IL15: variants seen among roughly 807,000 people sequenced by gnomAD.
IL15 encodes interleukin 15, also known as interleukin-15.
A neutral mutation model predicts 19.6 loss-of-function variants in IL15; 11 were observed. The observed-to-expected ratio is 0.56, with a 90% CI of 0.35 to 0.93. IL15 has a LOEUF of 0.93. IL15 is among the 40% of genes least tolerant of loss of function. The probability of loss-of-function intolerance (pLI) is 0.01; values close to 1 mark genes in which losing one functional copy is unlikely to be tolerated. For missense variants in IL15, 197 were observed against 186.5 expected (o/e 1.06, Z -0.33); for synonymous variants, 58 against 59.6 (o/e 0.97, Z 0.12).
At chr4:141,730,006 T>A in intron 7 of IL15, 22 bp downstream of exon 7, 1 of 1,590,288 alleles carries the variant, frequency 6.3e-7, no homozygotes, top group South Asian at 1.1e-5. Flanking sequence ...AACAGTTGCT[T>A]AGAGTTGCAT....
intron 1 of IL15, among the ~76,000 whole-genome samples, chr4:141,654,302 A>G (rs1236070842): frequency 6.6e-6 from 1 of 152,214 alleles, no homozygotes; most frequent in African/African-American, 2.4e-5. Flanking sequence ...GAAGCAGGCC[A>G]GATTCCTGGA....
chr4:141,666,724 C>A (rs907706265), intron 2 of IL15, among the ~76,000 whole-genome samples: 2 of 152,018 alleles, frequency 1.3e-5, no homozygotes, highest in Non-Finnish European at 2.9e-5. Context: ...AATATACTCT[C>A]ATCTTCCCCC....
At chr4:141,650,404 G>A (rs145380491) in intron 1 of IL15, among the ~76,000 whole-genome samples, 4 of 152,014 alleles carry the variant, frequency 2.6e-5, no homozygotes, top group Non-Finnish European at 5.9e-5. Context: ...TACATATGGA[G>A]GTGCAAGCCC....
intron 2 of IL15, among the ~76,000 whole-genome samples, chr4:141,706,656 T>C (rs971446996): frequency 4.1e-4 from 63 of 152,142 alleles, no homozygotes; most frequent in African/African-American, 1.4e-3. Flanking sequence ...TGTCTTCATT[T>C]CTCCTTCATT....
chr4:141,708,138 G>C (rs1729587994), intron 2 of IL15, among the ~76,000 whole-genome samples: 1 of 152,212 alleles, frequency 6.6e-6, no homozygotes. Context: ...CTTGCTGGCT[G>C]TGAAGCACAG....
At chr4:141,696,232 A>G (rs752025138) in intron 2 of IL15, among the ~76,000 whole-genome samples, 1 of 152,132 alleles carries the variant, frequency 6.6e-6, no homozygotes, top group Admixed American at 6.5e-5. Flanking sequence ...CTTGTTGAAT[A>G]TCCGCTGTAG....
At chr4:141,721,044 T>A in intron 4 of IL15, 1 of 815,568 alleles carries the variant, frequency 1.2e-6, no homozygotes, top group South Asian at 1.7e-5. Flanking sequence ...TATTAACTTT[T>A]TTCTTCTCTC....
intron 2 of IL15, among the ~76,000 whole-genome samples, chr4:141,707,918 C>A (rs903236631): frequency 5.3e-5 from 8 of 152,270 alleles, no homozygotes; most frequent in African/African-American, 1.9e-4. Context: ...TGAGGCAGGG[C>A]AGCCACCAAA....
chr4:141,689,946 C>T (rs899568593), intron 2 of IL15, among the ~76,000 whole-genome samples: 1 of 152,166 alleles, frequency 6.6e-6, no homozygotes, highest in Admixed American at 6.5e-5. Flanking sequence ...TCACAGGAGC[C>T]CATGGAGGGG....
At chr4:141,714,611 G>GC (rs2152187373) in intron 2 of IL15, 1 of 152,304 alleles carries the variant, frequency 6.6e-6, no homozygotes, top group Non-Finnish European at 1.5e-5. Flanking sequence ...GGGTTGCCAA[G>GC]CCCACTGGTC....
At chr4:141,723,262 G>C (rs1424916983) in intron 5 of IL15, among the ~76,000 whole-genome samples, 2 of 152,126 alleles carry the variant, frequency 1.3e-5, no homozygotes, top group African/African-American at 4.8e-5. Context: ...ATCTTATTTT[G>C]AAATAATATC....
chr4:141,660,670 C>T (rs1425319231), intron 2 of IL15, among the ~76,000 whole-genome samples: 1 of 152,162 alleles, frequency 6.6e-6, no homozygotes, highest in Non-Finnish European at 1.5e-5. Context: ...TTCTCTGTGA[C>T]ATTACATAAG....
intron 4 of IL15, chr4:141,721,503 G>A (rs1357774336): frequency 1.8e-6 from 1 of 547,050 alleles, no homozygotes; most frequent in South Asian, 1.6e-5. Flanking sequence ...ATCATTACAT[G>A]AAAATGATTA....
intron 2 of IL15, among the ~76,000 whole-genome samples, chr4:141,685,842 C>A (rs955684246): frequency 1.3e-5 from 2 of 152,146 alleles, no homozygotes; most frequent in Non-Finnish European, 2.9e-5. Context: ...CATTATTTCT[C>A]CTTCATTTCT....
chr4:141,727,895 A>G (rs935219382), intron 5 of IL15, 45 bp from the exon 6 acceptor site: 18 of 812,600 alleles, frequency 2.2e-5, no homozygotes, highest in Middle Eastern at 2.6e-4. Context: ...TAATATTTAA[A>G]GCAGGGCATA....
chr4:141,714,118 T>G (rs1729795704), intron 2 of IL15, among the ~76,000 whole-genome samples: 1 of 152,032 alleles, frequency 6.6e-6, no homozygotes, highest in Non-Finnish European at 1.5e-5. Flanking sequence ...CCTGTCCCCA[T>G]CCTCCTCCAA....
intron 1 of IL15, among the ~76,000 whole-genome samples, chr4:141,639,112 A>G (rs1361548338): frequency 6.6e-6 from 1 of 152,208 alleles, no homozygotes; most frequent in African/African-American, 2.4e-5. Context: ...AAACATCGTA[A>G]TAAACTTATG....
rs568908316 is a variant in IL15 at position 141,676,790 on chromosome 4, A to G, written c.-100+20483A>G. On this transcript the variant is annotated intron_variant, in intron 2 of 7. Transcript: ENST00000320650. ...GGTATGGCAGAAAAAAAAAAAAAAG[A>G]TGGGGTAAAGGATTTCAGGATATGG... Among the ~76,000 whole-genome samples the G allele has an allele frequency of 1.0e-3, 153 of 151,766 alleles. 1 individual carries two copies. The highest frequency in any genetic ancestry group is 3.3e-3 in the African/African-American group (138 of 41,434).
rs1729969786 is a variant in IL15, at chr4:141,718,586, C to T, written c.-99-780C>T. On this transcript the variant is annotated intron_variant, in intron 2 of 7. Transcript: ENST00000320650. The stretch of plus-strand genomic sequence containing the variant: ...TGCTTAATACCTAAATAAGTGTTAG[C>T]TTTTTCTTTCTATGAGTTATAGACA... 2.6e-5 allele frequency: 4 copies of T among 152,178 alleles called. No homozygotes were observed. The South Asian group carries it at 8.3e-4, about 32-fold the overall frequency. The allele number at this position is 152,178 out of a possible 1,614,324, so 9.4% of individuals were successfully genotyped here.
Sources: gnomAD v4.1 joint callset for allele counts (sites outside exome capture counted in the v4.1 genomes callset) on GRCh38, gnomAD v4.1.1 for gene constraint, MANE v1.5 for transcripts, NCBI Gene and HGNC (gene_info 2026-07-23, HGNC 2026-07-21) for gene names.